FMNL2: variants seen among roughly 807,000 people sequenced by gnomAD.
FMNL2 encodes the protein formin like 2, also known as formin-like protein 2.
In FMNL2, 51 loss-of-function variants were observed where a neutral mutation model predicts 130.2. The observed-to-expected ratio is 0.39, with a 90% CI of 0.31 to 0.49. FMNL2 has a LOEUF of 0.49. Among genes scored for constraint, FMNL2 ranks in the 20% least tolerant of loss-of-function variants. FMNL2 has a pLI of 0.85. For missense variants in FMNL2, 977 were observed against 1,316.2 expected, an observed-to-expected ratio of 0.74 and a Z score of 3.99; for synonymous variants, 465 against 467.1, an observed-to-expected ratio of 1.00 and a Z score of 0.06.
intron 1 of FMNL2, chr2:152,390,424 C>G: frequency 8.5e-7 from 1 of 1,171,298 alleles, no homozygotes; most frequent in Admixed American, 1.7e-5. Context: ...TCCAGTGACC[C>G]TAAGATCAAT....
chr2:152,516,032 A>G (rs1692747228), intron 1 of FMNL2, among the ~76,000 whole-genome samples: 1 of 152,160 alleles, frequency 6.6e-6, no homozygotes. Flanking sequence ...AAACTAATAA[A>G]TGAGTAAATC....
chr2:152,380,251 A>AT (rs1194198769), intron 1 of FMNL2, among the ~76,000 whole-genome samples: 2 of 152,218 alleles, frequency 1.3e-5, no homozygotes, highest in Non-Finnish European at 2.9e-5. Flanking sequence ...TGAATGAAAC[A>AT]TTTTTTACAA....
chr2:152,640,668 G>C (rs777008461), intron 24 of FMNL2, 123 bp from the exon 25 acceptor site: 24 of 1,196,708 alleles, frequency 2.0e-5, no homozygotes, highest in Admixed American at 2.8e-5. Flanking sequence ...GCAGAATGTG[G>C]GATGTGTGTG....
In FMNL2 at chr2:152,643,856, G is replaced by A. The variant is rs917385093; in HGVS notation, c.3169+2942G>A. On this transcript the variant is annotated intron_variant, in intron 25 of 25. Coordinates refer to ENST00000288670, the MANE Select transcript of FMNL2 (RefSeq NM_052905.4). ...AATCAGTATTGGTACCAAGTAGATT[G>A]CTTATAAGATTTTTGAGCTAATGTC... 5.1e-6 allele frequency: 5 copies of A among 985,296 alleles called. No homozygotes were observed. In the African/African-American group the frequency reaches 8.7e-5, roughly 17 times the overall value. 61.0% of individuals were successfully genotyped at this position (985,296 alleles called of 1,614,324 possible). A position where few individuals can be genotyped will look rare whatever the true frequency, so the allele number is the denominator to read the frequency against.
rs968507460 is a variant in FMNL2, at chr2:152,505,471, T to G, written c.118-16472T>G. Among the ~76,000 whole-genome samples, 11 of 152,238 alleles carry G rather than the reference T, an allele frequency of 7.2e-5. No individual in the cohort carries two copies. In the East Asian group the frequency reaches 2.1e-3, roughly 29 times the overall value. On this transcript the variant is annotated intron_variant, in intron 1 of 25. Coordinates refer to ENST00000288670, the MANE Select transcript of FMNL2 (RefSeq NM_052905.4). ...GAATTTAGAATTAATGAATTGCTTT[T>G]CTTGTAATATTTTCTTTACTCATTT...
At position 152,452,192 on chromosome 2, in the gene FMNL2, G is replaced by A. The variant is rs186659688; in HGVS notation, c.118-69751G>A. ...TCCCCGAAAGACAGTTGAGGGACTT[G>A]CTCCCCGAAAGACAGTTGAGGGACT... is the stretch of plus-strand genomic sequence containing the variant. On this transcript the variant is annotated intron_variant, in intron 1 of 25. Transcript: ENST00000288670. Among the ~76,000 whole-genome samples, 7 of 152,156 alleles carry A rather than the reference G, an allele frequency of 4.6e-5. No homozygotes were observed. In the East Asian group the frequency reaches 1.2e-3, roughly 25 times the overall value.
chr2:152,376,184 T>A (rs1579514790), intron 1 of FMNL2, among the ~76,000 whole-genome samples: 1 of 152,188 alleles, frequency 6.6e-6, no homozygotes, highest in South Asian at 2.1e-4. Context: ...CATGAGCCAC[T>A]GTGTCCAGCC....
chr2:152,617,241 C>T (rs766671915), intron 13 of FMNL2, 49 bp downstream of exon 13: 3 of 1,538,496 alleles, frequency 1.9e-6, no homozygotes, highest in East Asian at 2.2e-5. Context: ...AGGGAATGTA[C>T]TCCAGCTTTC....
chr2:152,521,877 A>G, intron 1 of FMNL2, 66 bp from the exon 2 acceptor site: 1 of 1,280,282 alleles, frequency 7.8e-7, no homozygotes, highest in East Asian at 2.3e-5. Context: ...GTCTGCCTGC[A>G]AGTTACCAAT....
chr2:152,553,912 C>T (rs1224983893), intron 4 of FMNL2, among the ~76,000 whole-genome samples: 6 of 152,076 alleles, frequency 3.9e-5, no homozygotes, highest in East Asian at 1.9e-4. Flanking sequence ...TTCAATTTGT[C>T]GTGATCTGTT....
chr2:152,357,772 C>T (rs1682918278), intron 1 of FMNL2, among the ~76,000 whole-genome samples: 1 of 152,148 alleles, frequency 6.6e-6, no homozygotes, highest in African/African-American at 2.4e-5. Context: ...ATGTTGCAAC[C>T]AGAGGCTCTG....
chr2:152,341,481 A>G (rs1410732807), intron 1 of FMNL2, among the ~76,000 whole-genome samples: 2 of 152,180 alleles, frequency 1.3e-5, no homozygotes, highest in African/African-American at 2.4e-5. Context: ...GATAAGAAGT[A>G]CTTTGGCTTG....
At chr2:152,541,218 A>G in intron 2 of FMNL2, among the ~76,000 whole-genome samples, 1 of 151,930 alleles carries the variant, frequency 6.6e-6, no homozygotes, top group South Asian at 2.1e-4. Context: ...GTGCAGTGGC[A>G]CGATCAGGGC....
At chr2:152,572,546 A>G (rs144253067) in intron 6 of FMNL2, among the ~76,000 whole-genome samples, 84 of 152,274 alleles carry the variant, frequency 5.5e-4, no homozygotes, top group African/African-American at 1.9e-3. Context: ...GCAGTGGCTC[A>G]TGCTTTTAAT....
chr2:152,459,773 A>G (rs893676568), intron 1 of FMNL2, among the ~76,000 whole-genome samples: 15 of 152,214 alleles, frequency 9.9e-5, no homozygotes, highest in African/African-American at 3.4e-4. Flanking sequence ...CATACTTTAA[A>G]TGGGTGCTTT....
At position 152,482,648 on chromosome 2, in the gene FMNL2, A is replaced by G. The variant is rs139066703; in HGVS notation, c.118-39295A>G. On this transcript the variant is annotated intron_variant, in intron 1 of 25. Coordinates refer to ENST00000288670, the MANE Select transcript of FMNL2 (RefSeq NM_052905.4). Reference sequence around the variant, plus strand: ...CTTAGTTTTTAAAAGACTTCTCTAAACCATATTTTCTCCATCTACAAAATG... The same window carrying G: ...CTTAGTTTTTAAAAGACTTCTCTAAGCCATATTTTCTCCATCTACAAAATG... Among the ~76,000 whole-genome samples the G allele has an allele frequency of 3.3e-3, 501 of 152,240 alleles. 1 individual carries two copies. The highest frequency in any genetic ancestry group is 0.021 in the South Asian group (100 of 4,830).
chr2:152,575,953 G>A (rs539417929), intron 7 of FMNL2, among the ~76,000 whole-genome samples: 38 of 152,278 alleles, frequency 2.5e-4, no homozygotes, highest in African/African-American at 7.5e-4. Flanking sequence ...GGTGGAACAC[G>A]TGTGCTGGGT....
At chr2:152,644,626 T>C (rs1193276062) in intron 25 of FMNL2, among the ~76,000 whole-genome samples, 1 of 152,210 alleles carries the variant, frequency 6.6e-6, no homozygotes, top group Non-Finnish European at 1.5e-5. Flanking sequence ...AGCAAAGCTG[T>C]GAGGCAGGAC....
At chr2:152,446,826 CTCT>C (rs1438802012) in intron 1 of FMNL2, among the ~76,000 whole-genome samples, 5 of 152,150 alleles carry the variant, frequency 3.3e-5, no homozygotes, top group African/African-American at 1.2e-4. Flanking sequence ...TTATAGATAT[CTCT>C]TCTTAACAGT....
Sources: allele counts gnomAD v4.1 joint callset (sites outside exome capture counted in the v4.1 genomes callset), GRCh38; gene constraint gnomAD v4.1.1; transcripts MANE v1.5; gene names NCBI Gene and HGNC (gene_info 2026-07-23, HGNC 2026-07-21).